Variants in CDH11 observed in about 807,000 individuals in gnomAD.
CDH11 encodes the protein cadherin-11.
Under a neutral mutation model 67.8 loss-of-function variants are expected in CDH11, and 11 were observed. That is an observed-to-expected ratio of 0.16 (90% CI 0.10 to 0.27). The LOEUF (loss-of-function observed/expected upper bound fraction) is 0.27. CDH11 is among the 10% of genes least tolerant of loss of function. CDH11 has a pLI of 1.00. For missense variants in CDH11, 847 were observed against 1,031.2 expected, an observed-to-expected ratio of 0.82 and a Z score of 2.45; for synonymous variants, 419 against 400.0, an observed-to-expected ratio of 1.05 and a Z score of -0.57.
chr16:64,996,183 CA>C (rs376952871), intron 4 of CDH11, among the ~76,000 whole-genome samples: 1 of 151,492 alleles, frequency 6.6e-6, no homozygotes, highest in Non-Finnish European at 1.5e-5. Flanking sequence ...GGAGAAGTCT[CA>C]AAAAAAACAG....
At chr16:64,948,653 G>A (rs1044047590) in intron 12 of CDH11, 1 of 1,611,908 alleles carries the variant, frequency 6.2e-7, no homozygotes, top group African/African-American at 1.3e-5. Context: ...TAGAGGAAAG[G>A]AAGTTTTATA....
At chr16:64,979,316 G>A (rs1208068894) in intron 8 of CDH11, among the ~76,000 whole-genome samples, 2 of 152,120 alleles carry the variant, frequency 1.3e-5, no homozygotes, top group African/African-American at 4.8e-5. Flanking sequence ...GCCTGGTGGT[G>A]TGCACCTGTA....
intron 8 of CDH11, among the ~76,000 whole-genome samples, chr16:64,975,007 A>C (rs1036589648): frequency 6.6e-6 from 1 of 152,122 alleles, no homozygotes; most frequent in Admixed American, 6.6e-5. Context: ...TCCCAAACAG[A>C]ATCTCACTAT....
chr16:65,049,201 T>TA (rs1195783617), intron 2 of CDH11, among the ~76,000 whole-genome samples: 1 of 151,914 alleles, frequency 6.6e-6, no homozygotes, highest in African/African-American at 2.4e-5. Flanking sequence ...TATTAAAAAA[T>TA]AAAAAAACTC....
At chr16:64,960,886 G>C (rs1356223983) in intron 11 of CDH11, among the ~76,000 whole-genome samples, 4 of 152,058 alleles carry the variant, frequency 2.6e-5, no homozygotes, top group Non-Finnish European at 4.4e-5. Context: ...TGAGTGAAGT[G>C]GGGGCAAGGA....
At chr16:65,119,501 C>T (rs1228764582) in intron 1 of CDH11, among the ~76,000 whole-genome samples, 1 of 152,098 alleles carries the variant, frequency 6.6e-6, no homozygotes, top group African/African-American at 2.4e-5. Context: ...TTCTGAAGTG[C>T]TATCAAGATG....
intron 1 of CDH11, among the ~76,000 whole-genome samples, chr16:65,102,176 C>T (rs2075002422): frequency 6.6e-6 from 1 of 152,202 alleles, no homozygotes; most frequent in Non-Finnish European, 1.5e-5. Context: ...AAACTTCTGA[C>T]TCTAAGAACC....
At chr16:65,024,311 C>T (rs1042063409) in intron 2 of CDH11, among the ~76,000 whole-genome samples, 14 of 152,244 alleles carry the variant, frequency 9.2e-5, no homozygotes, top group African/African-American at 3.1e-4. Context: ...CTCAGGGAGT[C>T]TCAAGATTTA....
intron 1 of CDH11, 35 bp from the exon 2 acceptor site, chr16:65,053,963 G>A (rs773572430): frequency 1.1e-5 from 5 of 455,406 alleles, no homozygotes; most frequent in African/African-American, 1.0e-4. Context: ...GTAACCTAGT[G>A]GTGCCATGAA....
intron 1 of CDH11, among the ~76,000 whole-genome samples, chr16:65,073,100 C>T (rs1259354988): frequency 1.3e-5 from 2 of 152,016 alleles, no homozygotes; most frequent in Non-Finnish European, 2.9e-5. Context: ...TATTGAAAAT[C>T]CAATAATATA....
chr16:65,123,429 GA>G (rs892950192), upstream of CDH11, among the ~76,000 whole-genome samples: 6 of 152,010 alleles, frequency 3.9e-5, no homozygotes, highest in East Asian at 1.2e-3. Context: ...GAAAGGGCTA[GA>G]GGGGAGGAGA....
intron 1 of CDH11, among the ~76,000 whole-genome samples, chr16:65,056,038 T>C (rs1005049366): frequency 2.0e-5 from 3 of 152,246 alleles, no homozygotes; most frequent in Non-Finnish European, 2.9e-5. Context: ...CAGAACCTAC[T>C]GGTCTCCAGG....
chr16:65,045,662 T>TTAACA (rs2073950487), intron 2 of CDH11, among the ~76,000 whole-genome samples: 1 of 151,948 alleles, frequency 6.6e-6, no homozygotes, highest in Admixed American at 6.6e-5. Context: ...GGAAAGGAAA[T>TTAACA]GTTAATTCTG....
At chr16:65,029,534 C>G (rs1180820716) in intron 2 of CDH11, among the ~76,000 whole-genome samples, 1 of 152,042 alleles carries the variant, frequency 6.6e-6, no homozygotes, top group African/African-American at 2.4e-5. Flanking sequence ...CCCAGTGAAG[C>G]AACTCTGGAA....
intron 11 of CDH11, among the ~76,000 whole-genome samples, chr16:64,971,202 C>T (rs1217728124): frequency 6.6e-6 from 1 of 152,146 alleles, no homozygotes; most frequent in Non-Finnish European, 1.5e-5. Context: ...AATTGCCTTA[C>T]AAAGTTGAAC....
At chr16:65,112,085 AAAAG>A (rs1249570296) in intron 1 of CDH11, among the ~76,000 whole-genome samples, 2 of 151,682 alleles carry the variant, frequency 1.3e-5, no homozygotes, top group Non-Finnish European at 2.9e-5. Context: ...AAAAAAAAAA[AAAAG>A]AATAAGTGCA....
chr16:65,075,394 C>T (rs996728735), intron 1 of CDH11, among the ~76,000 whole-genome samples: 1 of 152,208 alleles, frequency 6.6e-6, no homozygotes, highest in Non-Finnish European at 1.5e-5. Flanking sequence ...GGGCTCTCTT[C>T]ATCAAATCCT....
chr16:65,112,069 C>A (rs1489092051), intron 1 of CDH11, among the ~76,000 whole-genome samples: 1,394 of 90,616 alleles, frequency 0.015, no homozygotes, highest in Middle Eastern at 0.033. Context: ...GACTCTGTCT[C>A]AAAAAAAAAA....
chr16:65,011,888 G>A (rs187727265), intron 2 of CDH11, among the ~76,000 whole-genome samples: 33 of 152,248 alleles, frequency 2.2e-4, no homozygotes, highest in Admixed American at 2.1e-3. Flanking sequence ...TGTCATTTGT[G>A]GTATCAAAGG....
Sources: allele counts gnomAD v4.1 joint callset (sites outside exome capture counted in the v4.1 genomes callset), GRCh38; gene constraint gnomAD v4.1.1; transcripts MANE v1.5; gene names NCBI Gene and HGNC (gene_info 2026-07-23, HGNC 2026-07-21).